Variants in EXOC4 observed in about 807,000 individuals in gnomAD.
The protein encoded by EXOC4 is SEC8-like 1.
In EXOC4, 71 loss-of-function variants were observed where a neutral mutation model predicts 107.2. The observed-to-expected ratio is 0.66, with a 90% confidence interval of 0.55 to 0.81. EXOC4 has a LOEUF of 0.81. EXOC4 is among the 30% of genes least tolerant of loss of function. The pLI, the probability that EXOC4 is intolerant of heterozygous loss-of-function variation, is 0.00. For synonymous variants in EXOC4, 456 were observed against 441.2 expected, an observed-to-expected ratio of 1.03 and a Z score of -0.42; for missense variants, 1,108 against 1,189.6, an observed-to-expected ratio of 0.93 and a Z score of 1.01.
intron 9 of EXOC4, among the ~76,000 whole-genome samples, chr7:133,545,443 A>T (rs1187463266): frequency 6.6e-6 from 1 of 152,176 alleles, no homozygotes; most frequent in Non-Finnish European, 1.5e-5. Context: ...AAAACTGGAT[A>T]CCTTATAGCT....
intron 9 of EXOC4, chr7:133,551,602 G>A (rs182970421): frequency 2.0e-5 from 3 of 152,122 alleles, no homozygotes; most frequent in African/African-American, 4.8e-5. Context: ...TTGATACAAA[G>A]GGGGATGTCA....
chr7:133,435,511 T>C (rs751644599), intron 7 of EXOC4, among the ~76,000 whole-genome samples: 58 of 152,216 alleles, frequency 3.8e-4, no homozygotes, highest in Non-Finnish European at 8.1e-4. Flanking sequence ...TGTGGCATCA[T>C]GCACATGAAT....
chr7:134,020,544 CAT>C (rs1041018078), intron 17 of EXOC4, among the ~76,000 whole-genome samples: 5 of 152,306 alleles, frequency 3.3e-5, no homozygotes, highest in South Asian at 4.1e-4. Context: ...TCTCAGTTAA[CAT>C]GTGTAGACAT....
At chr7:133,321,337 A>G (rs1450684396) in intron 5 of EXOC4, among the ~76,000 whole-genome samples, 1 of 151,844 alleles carries the variant, frequency 6.6e-6, no homozygotes, top group African/African-American at 2.4e-5. Flanking sequence ...GTTTTGTTAC[A>G]TAGGTATACA....
At chr7:133,317,696 T>A (rs1795023034) in intron 5 of EXOC4, among the ~76,000 whole-genome samples, 1 of 152,186 alleles carries the variant, frequency 6.6e-6, no homozygotes, top group Non-Finnish European at 1.5e-5. Context: ...CTTTCTTTTT[T>A]TTTGAGACGG....
chr7:133,845,331 T>A (rs926645185), intron 11 of EXOC4, among the ~76,000 whole-genome samples: 2 of 146,210 alleles, frequency 1.4e-5, no homozygotes, highest in Non-Finnish European at 3.0e-5. Flanking sequence ...ATAGGCAGGT[T>A]AGTAGTGTGT....
At chr7:133,403,339 A>C (rs1413504377) in intron 7 of EXOC4, among the ~76,000 whole-genome samples, 1 of 152,200 alleles carries the variant, frequency 6.6e-6, no homozygotes, top group African/African-American at 2.4e-5. Context: ...GACTGTAGTC[A>C]TGACTCCTGT....
chr7:133,285,535 T>C (rs1022895880), intron 2 of EXOC4, among the ~76,000 whole-genome samples: 2 of 152,226 alleles, frequency 1.3e-5, no homozygotes, highest in Non-Finnish European at 2.9e-5. Flanking sequence ...AGAAATCCGA[T>C]GTCATTCTGA....
chr7:133,453,939 A>G (rs2150812930), intron 7 of EXOC4, among the ~76,000 whole-genome samples: 1 of 152,304 alleles, frequency 6.6e-6, no homozygotes, highest in Non-Finnish European at 1.5e-5. Context: ...ACATAATACA[A>G]GAGATAAAGA....
At chr7:133,421,459 A>T (rs866753781) in intron 7 of EXOC4, among the ~76,000 whole-genome samples, 1 of 152,214 alleles carries the variant, frequency 6.6e-6, no homozygotes. Flanking sequence ...AAATTGTGGT[A>T]CAGCTGACTT....
chr7:133,468,766 G>A (rs890483980), intron 7 of EXOC4, among the ~76,000 whole-genome samples: 1 of 152,110 alleles, frequency 6.6e-6, no homozygotes, highest in Non-Finnish European at 1.5e-5. Context: ...GTCAGTTTCT[G>A]CTGAATTTGA....
chr7:133,651,741 G>GT (rs1803159310), intron 10 of EXOC4, among the ~76,000 whole-genome samples: 2 of 152,156 alleles, frequency 1.3e-5, no homozygotes, highest in South Asian at 4.1e-4. Flanking sequence ...CTAGAGTGCA[G>GT]TGGCATGATC....
intron 9 of EXOC4, among the ~76,000 whole-genome samples, chr7:133,624,437 A>C (rs1485812943): frequency 1.3e-5 from 2 of 152,076 alleles, no homozygotes; most frequent in Non-Finnish European, 2.9e-5. Flanking sequence ...TAAAAGATGA[A>C]CCAGGTATGG....
intron 7 of EXOC4, among the ~76,000 whole-genome samples, chr7:133,452,327 T>A (rs1798366825): frequency 6.6e-6 from 1 of 152,058 alleles, no homozygotes; most frequent in Non-Finnish European, 1.5e-5. Context: ...AATGTACACA[T>A]CTATCATAAG....
chr7:133,396,468 T>TG (rs1208699560), intron 7 of EXOC4: 1 of 152,250 alleles, frequency 6.6e-6, no homozygotes, highest in African/African-American at 2.4e-5. Context: ...TTTATTTTCT[T>TG]AACTGCTGTA....
intron 10 of EXOC4, among the ~76,000 whole-genome samples, chr7:133,808,238 G>T: frequency 6.6e-6 from 1 of 152,302 alleles, no homozygotes; most frequent in East Asian, 1.9e-4. Flanking sequence ...ATTACAGCTT[G>T]TTGGGAGAGA....
intron 9 of EXOC4, among the ~76,000 whole-genome samples, chr7:133,524,634 G>A (rs1800045869): frequency 6.6e-6 from 1 of 151,118 alleles, no homozygotes; most frequent in South Asian, 2.1e-4. Flanking sequence ...GTAAGGAAGG[G>A]ATCCAGTTTC....
intron 10 of EXOC4, among the ~76,000 whole-genome samples, chr7:133,656,156 C>T (rs763485361): frequency 6.6e-6 from 1 of 152,104 alleles, no homozygotes; most frequent in South Asian, 2.1e-4. Flanking sequence ...ATTGCCTCAC[C>T]ACAGTATTTG....
chr7:133,572,811 A>G (rs1801052336), intron 9 of EXOC4, among the ~76,000 whole-genome samples: 1 of 152,208 alleles, frequency 6.6e-6, no homozygotes, highest in East Asian at 1.9e-4. Flanking sequence ...TGATATCTGA[A>G]TATGGTCTAT....
Sources: allele counts gnomAD v4.1 joint callset (sites outside exome capture counted in the v4.1 genomes callset), GRCh38; gene constraint gnomAD v4.1.1; transcripts MANE v1.5; gene names NCBI Gene and HGNC (gene_info 2026-07-23, HGNC 2026-07-21).